The following PARN variants were observed in gnomAD, a reference collection of about 807,000 sequenced individuals.
PARN encodes the protein poly(A)-specific ribonuclease.
A neutral mutation model predicts 102.8 loss-of-function variants in PARN; 71 were observed. That is an observed-to-expected ratio of 0.69 (90% CI 0.57 to 0.84). The LOEUF (loss-of-function observed/expected upper bound fraction) is 0.84, where lower values mean the gene tolerates loss of function less well. Among genes scored for constraint, PARN ranks in the 40% least tolerant of loss-of-function variants. The pLI, the probability that PARN is intolerant of heterozygous loss-of-function variation, is 0.00. For missense variants in PARN, 782 were observed against 760.9 expected, an observed-to-expected ratio of 1.03 and a Z score of -0.33; for synonymous variants, 261 against 252.9, an observed-to-expected ratio of 1.03 and a Z score of -0.30.
chr16:14,586,492 A>T (rs1969864162), intron 13 of PARN, 131 bp from the exon 14 acceptor site: 4 of 578,644 alleles, frequency 6.9e-6, no homozygotes, highest in Middle Eastern at 3.1e-4. Context: ...AAACTACAAA[A>T]CCCATTTCTA....
At chr16:14,527,103 C>T (rs1966050249) in intron 21 of PARN, among the ~76,000 whole-genome samples, 1 of 152,142 alleles carries the variant, frequency 6.6e-6, no homozygotes, top group Non-Finnish European at 1.5e-5. Flanking sequence ...TGCACTAGGC[C>T]CAACAGACCT....
intron 12 of PARN, among the ~76,000 whole-genome samples, chr16:14,595,645 G>A (rs1970459248): frequency 6.6e-6 from 1 of 151,998 alleles, no homozygotes; most frequent in Admixed American, 6.6e-5. Context: ...AGATTCTCCT[G>A]CCTCAGCCTC....
At chr16:14,496,030 C>A (rs1964297033) in intron 21 of PARN, among the ~76,000 whole-genome samples, 1 of 152,188 alleles carries the variant, frequency 6.6e-6, no homozygotes, top group African/African-American at 2.4e-5. Context: ...GAGATGTGAC[C>A]TTCCAACTAG....
chr16:14,603,039 G>C (rs949951583), intron 11 of PARN, among the ~76,000 whole-genome samples: 1 of 151,996 alleles, frequency 6.6e-6, no homozygotes, highest in African/African-American at 2.4e-5. Context: ...TCCAGCATCA[G>C]CCTCCCAAGT....
In PARN at chr16:14,592,782, A is replaced by T. The variant is rs191129912; in HGVS notation, c.918+519T>A. On this transcript the variant is annotated intron_variant, in intron 13 of 23. Coordinates refer to ENST00000437198, the MANE Select transcript of PARN (RefSeq NM_002582.4). ...ACTAAATGAGCAAACCACTGGCATT[A>T]AGACAATGAAACAAATGTTTAATCT... is the stretch of plus-strand genomic sequence containing the variant. Among the ~76,000 whole-genome samples the T allele has an allele frequency of 7.9e-5, 12 of 152,344 alleles. No individual in the cohort carries two copies. In the East Asian group the frequency reaches 1.7e-3, roughly 22 times the overall value.
At chr16:14,585,047 G>T (rs1305752182) in intron 14 of PARN, among the ~76,000 whole-genome samples, 1 of 152,182 alleles carries the variant, frequency 6.6e-6, no homozygotes. Context: ...GCAACTGCAG[G>T]AGAGTCCACA....
intron 23 of PARN, among the ~76,000 whole-genome samples, chr16:14,437,424 T>C (rs1960751008): frequency 6.6e-6 from 1 of 152,236 alleles, no homozygotes; most frequent in South Asian, 2.1e-4. Context: ...GTTGCAGCTT[T>C]TTCCAGCTTC....
intron 21 of PARN, among the ~76,000 whole-genome samples, chr16:14,515,448 T>C (rs1222532924): frequency 6.6e-6 from 1 of 152,142 alleles, no homozygotes; most frequent in Admixed American, 6.5e-5. Flanking sequence ...TCAGAGATTT[T>C]AGCAGTAAAA....
chr16:14,591,316 C>T (rs766177698), intron 13 of PARN, among the ~76,000 whole-genome samples: 15 of 151,204 alleles, frequency 9.9e-5, no homozygotes, highest in African/African-American at 1.5e-4. Flanking sequence ...ACTTGAACCT[C>T]GGAGGCGGAG....
chr16:14,524,290 T>C (rs947889651), intron 21 of PARN, among the ~76,000 whole-genome samples: 1 of 152,188 alleles, frequency 6.6e-6, no homozygotes, highest in African/African-American at 2.4e-5. Context: ...AGCCAAAGTG[T>C]GAAGGCAAAC....
At chr16:14,611,967 G>A (rs577249071) in intron 6 of PARN, among the ~76,000 whole-genome samples, 14 of 152,262 alleles carry the variant, frequency 9.2e-5, no homozygotes, top group South Asian at 2.1e-4. Context: ...GTACATGTAC[G>A]GGCATAGCTG....
intron 5 of PARN, among the ~76,000 whole-genome samples, chr16:14,623,206 T>C (rs952109792): frequency 4.0e-5 from 6 of 151,086 alleles, no homozygotes; most frequent in African/African-American, 1.2e-4. Context: ...GGAAGTGGCA[T>C]GGGAAAAGGA....
chr16:14,584,725 T>C, intron 15 of PARN, 24 bp downstream of exon 15: 1 of 1,538,680 alleles, frequency 6.5e-7, no homozygotes, highest in East Asian at 2.3e-5. Context: ...GCAGTCGCTT[T>C]ATAAAGTAGC....
At chr16:14,451,341 A>G (rs1375819176) in intron 22 of PARN, among the ~76,000 whole-genome samples, 2 of 152,098 alleles carry the variant, frequency 1.3e-5, no homozygotes, top group South Asian at 2.1e-4. Flanking sequence ...TCTCATGAGG[A>G]CTTTAACTCG....
intron 22 of PARN, among the ~76,000 whole-genome samples, chr16:14,470,925 A>C (rs1457530484): frequency 1.3e-5 from 2 of 152,126 alleles, no homozygotes; most frequent in Admixed American, 6.5e-5. Flanking sequence ...TACAGGCATG[A>C]GCCACCATGC....
intron 22 of PARN, among the ~76,000 whole-genome samples, chr16:14,473,625 C>T (rs184906560): frequency 3.0e-4 from 46 of 152,228 alleles, no homozygotes; most frequent in East Asian, 9.6e-4. Context: ...TAGAGCAGAA[C>T]GGAGGTGTCC....
chr16:14,536,963 A>C (rs1966635628), intron 21 of PARN, among the ~76,000 whole-genome samples: 1 of 152,186 alleles, frequency 6.6e-6, no homozygotes, highest in East Asian at 1.9e-4. Context: ...TTAAACTGAA[A>C]TGCTTCTGCA....
At chr16:14,569,352 C>G (rs1266035245) in intron 18 of PARN, among the ~76,000 whole-genome samples, 1 of 152,164 alleles carries the variant, frequency 6.6e-6, no homozygotes, top group Non-Finnish European at 1.5e-5. Context: ...CTACATGCCA[C>G]ACCCAACACC....
intron 11 of PARN, among the ~76,000 whole-genome samples, chr16:14,601,636 G>GA (rs1567436189): frequency 6.6e-6 from 1 of 150,880 alleles, no homozygotes; most frequent in East Asian, 2.0e-4. Flanking sequence ...AAATTTTTTT[G>GA]GGGGGGTCAG....
Sources: gnomAD v4.1 joint callset for allele counts (sites outside exome capture counted in the v4.1 genomes callset) on GRCh38, gnomAD v4.1.1 for gene constraint, MANE v1.5 for transcripts, NCBI Gene and HGNC (gene_info 2026-07-23, HGNC 2026-07-21) for gene names.